The following ZEB1 variants were observed in gnomAD, a reference collection of about 807,000 sequenced individuals.
ZEB1 encodes the protein zinc finger E-box-binding homeobox 1.
In ZEB1, 21 loss-of-function variants were observed where a neutral mutation model predicts 84.9. The observed-to-expected ratio is 0.25, with a 90% CI of 0.18 to 0.36. The LOEUF is 0.36. ZEB1 is among the 10% of genes least tolerant of loss of function. The pLI is 1.00. For missense variants in ZEB1, 1,104 were observed against 1,330.2 expected (o/e 0.83, Z 2.65); for synonymous variants, 420 against 471.1 (o/e 0.89, Z 1.41).
intron 6 of ZEB1, among the ~76,000 whole-genome samples, chr10:31,517,883 T>G (rs573652192): frequency 6.6e-6 from 1 of 152,130 alleles, no homozygotes; most frequent in Admixed American, 6.6e-5. Context: ...TATTTTCTAC[T>G]TTTTACTGAT....
intron 1 of ZEB1, among the ~76,000 whole-genome samples, chr10:31,329,013 G>A (rs1185001483): frequency 2.0e-5 from 3 of 148,278 alleles, no homozygotes. Flanking sequence ...GTGTGTGTGT[G>A]CGTGTGAACT....
intron 1 of ZEB1, chr10:31,387,646 T>G (rs1425901052): frequency 1.9e-5 from 12 of 634,894 alleles, no homozygotes; most frequent in Non-Finnish European, 2.4e-5. Flanking sequence ...ACATAATAGC[T>G]TCAGTTGATA....
chr10:31,491,790 A>C (rs1652721926), intron 2 of ZEB1, among the ~76,000 whole-genome samples: 1 of 152,030 alleles, frequency 6.6e-6, no homozygotes. Context: ...TTTAATCATT[A>C]TCTAAGTTAA....
chr10:31,395,652 A>G lies in ZEB1; in HGVS notation c.59-65385A>G, dbSNP rs144880485. Among the ~76,000 whole-genome samples, 87 of 152,316 alleles carry G rather than the reference A, an allele frequency of 5.7e-4. No homozygotes were observed. In the East Asian group the frequency reaches 0.016, roughly 27 times the overall value. On this transcript the variant is annotated intron_variant, in intron 1 of 8. Coordinates refer to ENST00000424869, the MANE Select transcript of ZEB1 (RefSeq NM_001174096.2). ...TGCCACAGGGGGAACCCTGAACATCAGAGAGCAGGTTGAATGCACCTGATT... is the reference window on the plus strand; with the variant it reads ...TGCCACAGGGGGAACCCTGAACATCGGAGAGCAGGTTGAATGCACCTGATT...
At chr10:31,513,481 G>A (rs1275296288) in intron 5 of ZEB1, among the ~76,000 whole-genome samples, 1 of 152,132 alleles carries the variant, frequency 6.6e-6, no homozygotes, top group Non-Finnish European at 1.5e-5. Flanking sequence ...GGAGTTAAGG[G>A]GAGAGGTTTA....
intron 1 of ZEB1, among the ~76,000 whole-genome samples, chr10:31,333,147 A>G (rs1020367680): frequency 6.6e-6 from 1 of 152,180 alleles, no homozygotes; most frequent in Non-Finnish European, 1.5e-5. Context: ...TTCACAGCCT[A>G]TTCTTTGACA....
In ZEB1 at chr10:31,520,757, C is replaced by A. The variant is rs942546223; in HGVS notation, c.1425C>A (p.Ile475=). The A allele has an allele frequency of 1.2e-6, 2 of 1,614,018 alleles. No individual in the cohort carries two copies. Among genetic ancestry groups the A allele is most frequent in the East Asian group, 4.5e-5 (2 of 44,846 alleles). The change falls in exon 7 of 9, where the codon ATC becomes ATA. Residue 475 remains isoleucine (I), a synonymous_variant. Transcript: ENST00000424869. The surrounding 1 kb of genome is among the most constrained non-coding windows in gnomAD (Gnocchi z 5.1). ...LVDQDGTTKI[I]INYSLEQPSQ... ...ATCAAGATGGAACAACCAAAATTAT[C>A]ATCAACTACAGTCTTGAGCAGCCTA...
intron 1 of ZEB1, among the ~76,000 whole-genome samples, chr10:31,417,695 T>C (rs939490781): frequency 6.6e-6 from 1 of 152,120 alleles, no homozygotes. Context: ...ATTTTAAATA[T>C]TTTGCATTTC....
At chr10:31,331,937 G>T (rs1007000066) in intron 1 of ZEB1, among the ~76,000 whole-genome samples, 1 of 152,018 alleles carries the variant, frequency 6.6e-6, no homozygotes, top group Non-Finnish European at 1.5e-5. Flanking sequence ...AATTACCACA[G>T]GTCTTGAAGC....
intron 2 of ZEB1, among the ~76,000 whole-genome samples, chr10:31,478,461 A>G (rs1047477211): frequency 3.9e-5 from 6 of 152,038 alleles, no homozygotes; most frequent in South Asian, 2.1e-4. Flanking sequence ...TGAAAAAACT[A>G]AAAATGGAAT....
intron 1 of ZEB1, among the ~76,000 whole-genome samples, chr10:31,402,062 A>G (rs547768452): frequency 6.6e-6 from 1 of 151,996 alleles, no homozygotes; most frequent in South Asian, 2.1e-4. Flanking sequence ...TAAAGTTTCA[A>G]CTTCCAGAAG....
intron 2 of ZEB1, among the ~76,000 whole-genome samples, chr10:31,488,893 T>C (rs771946409): frequency 4.4e-4 from 66 of 151,332 alleles, no homozygotes; most frequent in Non-Finnish European, 8.0e-4. Context: ...TTGGAAGTGG[T>C]GTGTCTACAT....
At chr10:31,324,844 A>G (rs2035105164) in intron 1 of ZEB1, among the ~76,000 whole-genome samples, 2 of 152,068 alleles carry the variant, frequency 1.3e-5, no homozygotes, top group Non-Finnish European at 2.9e-5. Flanking sequence ...TCATTCAACT[A>G]GATATGAACT....
rs1372303011 is a variant in ZEB1 at position 31,510,658 on chromosome 10, ATCTT to A, written c.485-9_485-6del. 1 of 1,604,760 alleles carries A rather than the reference ATCTT, an allele frequency of 6.2e-7. No homozygotes were observed. The highest frequency in any genetic ancestry group is 8.5e-7 in the Non-Finnish European group (1 of 1,172,758). ...GAATGTTTTAAATTTAAAATATATG[ATCTT>A]TCTTTTACAGGAACACCAGATGCAT... On this transcript the variant is annotated splice_polypyrimidine_tract_variant and intron_variant, in intron 4 of 8. Transcript: ENST00000424869.
intron 1 of ZEB1, among the ~76,000 whole-genome samples, chr10:31,430,852 A>G (rs576359592): frequency 6.6e-6 from 1 of 152,380 alleles, no homozygotes; most frequent in African/African-American, 2.4e-5. Flanking sequence ...AGTGTAATAT[A>G]AAGTTTACAA....
In ZEB1 at chr10:31,330,924, G is replaced by A. The variant is rs183690588; in HGVS notation, c.58+11632G>A. 1.4e-3 allele frequency among the ~76,000 whole-genome samples: 208 copies of A among 151,488 alleles called. 1 individual carries two copies. Among genetic ancestry groups the A allele is most frequent in the African/African-American group, 4.6e-3 (189 of 41,306 alleles). ...CCTTATTTTTGTTTTTACAGATCTC[G>A]CTTTTTAATACTCCTTTTAGCTCTG... On this transcript the variant is annotated intron_variant, in intron 1 of 8. Transcript: ENST00000424869.
intron 1 of ZEB1, among the ~76,000 whole-genome samples, chr10:31,434,016 G>A (rs2058023010): frequency 6.6e-6 from 1 of 152,098 alleles, no homozygotes; most frequent in Admixed American, 6.6e-5. Context: ...TAATATGCAT[G>A]CCCTACTTTA....
chr10:31,442,574 A>T lies in ZEB1; in HGVS notation c.59-18463A>T, dbSNP rs981469900. Among the ~76,000 whole-genome samples the T allele has an allele frequency of 2.7e-4, 41 of 152,186 alleles. No individual in the cohort carries two copies. The East Asian group carries it at 2.7e-3, about 10-fold the overall frequency. On this transcript the variant is annotated intron_variant, in intron 1 of 8. Coordinates refer to ENST00000424869, the MANE Select transcript of ZEB1 (RefSeq NM_001174096.2). ...AAAGTATAATAATAATAATAAAAAA[A>T]AAAGAAATCCAAGTGGAGCTATCAA...
intron 1 of ZEB1, among the ~76,000 whole-genome samples, chr10:31,322,766 G>C (rs563836320): frequency 6.8e-6 from 1 of 146,606 alleles, no homozygotes; most frequent in African/African-American, 2.6e-5. Context: ...TTTTTTTTGA[G>C]AGAGAGATGT....
Sources: allele counts gnomAD v4.1 joint callset (sites outside exome capture counted in the v4.1 genomes callset), GRCh38; gene constraint gnomAD v4.1.1; non-coding constraint Gnocchi (gnomAD v3.1); transcripts MANE v1.5; gene names NCBI Gene and HGNC (gene_info 2026-07-23, HGNC 2026-07-21).